The following PTPRD variants were observed in gnomAD, a reference collection of about 807,000 sequenced individuals.
The protein encoded by PTPRD is protein tyrosine phosphatase receptor type D.
PTPRD carries 34 observed loss-of-function variants against 214.5 expected under a neutral mutation model. The ratio of observed to expected loss-of-function variants is 0.16; its 90% CI spans 0.12 to 0.21. The LOEUF is 0.21. PTPRD is among the 10% of genes least tolerant of loss of function. The probability of loss-of-function intolerance (pLI) is 1.00; values close to 1 mark genes in which losing one functional copy is unlikely to be tolerated. For synonymous variants in PTPRD, 1,128 were observed against 845.7 expected (o/e 1.33, Z -5.79); for missense variants, 2,545 against 2,398.7 (o/e 1.06, Z -1.27).
chr9:10,066,576 A>T (rs2097889324), intron 3 of PTPRD, among the ~76,000 whole-genome samples: 1 of 151,854 alleles, frequency 6.6e-6, no homozygotes, highest in African/African-American at 2.4e-5. Flanking sequence ...GCATAAAATC[A>T]TGCCTCCATG....
intron 21 of PTPRD, among the ~76,000 whole-genome samples, chr9:8,515,359 A>G (rs1050036450): frequency 6.6e-6 from 1 of 152,182 alleles, no homozygotes; most frequent in Non-Finnish European, 1.5e-5. Flanking sequence ...ATTACATATT[A>G]ATAATTTAAT....
intron 8 of PTPRD, among the ~76,000 whole-genome samples, chr9:9,436,045 G>A (rs898828199): frequency 6.6e-6 from 1 of 151,928 alleles, no homozygotes; most frequent in Non-Finnish European, 1.5e-5. Flanking sequence ...CTTCTGCTCT[G>A]ACTTCCTGAT....
intron 3 of PTPRD, among the ~76,000 whole-genome samples, chr9:10,293,317 A>C (rs1359567588): frequency 6.6e-6 from 1 of 151,956 alleles, no homozygotes; most frequent in Non-Finnish European, 1.5e-5. Flanking sequence ...TTTTCCTTAG[A>C]CTAATATGCA....
intron 14 of PTPRD, among the ~76,000 whole-genome samples, chr9:8,529,452 G>C (rs1350653019): frequency 6.6e-6 from 1 of 152,052 alleles, no homozygotes; most frequent in African/African-American, 2.4e-5. Context: ...CTTATTAATG[G>C]CACAAAAACA....
rs545776697 is a variant in PTPRD, at chr9:10,547,685, C to T, written c.-600+64713G>A. ...ATCACATAACTGTAGACATAACAAA[C>T]ATATACATATATGTTATATATATAT... is the stretch of plus-strand genomic sequence containing the variant. On this transcript the variant is annotated intron_variant, in intron 2 of 45. Coordinates refer to ENST00000381196, the MANE Select transcript of PTPRD (RefSeq NM_002839.4). Among the ~76,000 whole-genome samples, 261 of 151,542 alleles carry T rather than the reference C, an allele frequency of 1.7e-3. 1 individual carries two copies. Among genetic ancestry groups the T allele is most frequent in the African/African-American group, 6.1e-3 (253 of 41,304 alleles).
intron 8 of PTPRD, among the ~76,000 whole-genome samples, chr9:9,466,195 T>G (rs939421114): frequency 6.6e-6 from 1 of 151,948 alleles, no homozygotes; most frequent in South Asian, 2.1e-4. Flanking sequence ...CATAGTCCCA[T>G]CTACTTAAGA....
intron 11 of PTPRD, among the ~76,000 whole-genome samples, chr9:8,975,041 G>A (rs1207531033): frequency 1.4e-5 from 2 of 145,998 alleles, no homozygotes; most frequent in Admixed American, 7.0e-5. Context: ...AGATTGCAGT[G>A]AGCCAAGTTC....
chr9:9,782,184 C>T (rs2098850870), intron 5 of PTPRD, among the ~76,000 whole-genome samples: 1 of 152,148 alleles, frequency 6.6e-6, no homozygotes, highest in African/African-American at 2.4e-5. Context: ...TAATATCCTA[C>T]AGTCATCTCA....
intron 12 of PTPRD, among the ~76,000 whole-genome samples, chr9:8,672,391 A>G (rs957306036): frequency 6.6e-6 from 1 of 152,100 alleles, no homozygotes; most frequent in Non-Finnish European, 1.5e-5. Context: ...GACACTACAC[A>G]TATCTACAAA....
intron 3 of PTPRD, among the ~76,000 whole-genome samples, chr9:10,053,902 G>C (rs1444760819): frequency 6.6e-6 from 1 of 151,988 alleles, no homozygotes; most frequent in African/African-American, 2.4e-5. Flanking sequence ...GGGATTACAG[G>C]TGTACGCCAA....
chr9:10,200,382 G>C (rs140574882), intron 3 of PTPRD, among the ~76,000 whole-genome samples: 479 of 152,186 alleles, frequency 3.1e-3, no homozygotes, highest in African/African-American at 0.011. Context: ...AACTATGGAG[G>C]AGAGAAGGAA....
At chr9:9,123,773 G>A (rs1195498586) in intron 10 of PTPRD, among the ~76,000 whole-genome samples, 1 of 152,078 alleles carries the variant, frequency 6.6e-6, no homozygotes, top group Non-Finnish European at 1.5e-5. Context: ...TTGTTGAAAG[G>A]TAGATTCCAA....
intron 9 of PTPRD, among the ~76,000 whole-genome samples, chr9:9,207,861 G>A (rs897796041): frequency 1.3e-5 from 2 of 151,524 alleles, no homozygotes; most frequent in Non-Finnish European, 2.9e-5. Flanking sequence ...ATATAATAGA[G>A]AACCATGACT....
chr9:8,515,919 G>A (rs1417555230), intron 21 of PTPRD, among the ~76,000 whole-genome samples: 1 of 152,078 alleles, frequency 6.6e-6, no homozygotes, highest in Non-Finnish European at 1.5e-5. Context: ...TTATAGACTA[G>A]AAAACTGAAG....
At chr9:9,513,114 A>T (rs898089458) in intron 8 of PTPRD, among the ~76,000 whole-genome samples, 4 of 151,920 alleles carry the variant, frequency 2.6e-5, no homozygotes, top group African/African-American at 9.7e-5. Flanking sequence ...CTAAAATAAC[A>T]AGATAGTATA....
At chr9:9,998,129 A>AATATATATATATATATATAT (rs1555449231) in intron 4 of PTPRD, among the ~76,000 whole-genome samples, 15 of 91,452 alleles carry the variant, frequency 1.6e-4, no homozygotes, top group African/African-American at 7.7e-4. Context: ...AAAAAAAAAA[A>AATATATATATATATATATAT]ATATATATAT....
intron 6 of PTPRD, among the ~76,000 whole-genome samples, chr9:9,738,539 G>A (rs1196184007): frequency 7.1e-6 from 1 of 140,716 alleles, no homozygotes; most frequent in East Asian, 2.0e-4. Context: ...TGCCTCCTGG[G>A]TTCAAGTGAT....
chr9:9,725,039 A>G (rs985422431), intron 7 of PTPRD, among the ~76,000 whole-genome samples: 8 of 152,268 alleles, frequency 5.3e-5, no homozygotes, highest in Middle Eastern at 3.4e-3. Context: ...GGAAGATTTC[A>G]GACTGCATAA....
At chr9:10,247,130 T>A (rs1051400894) in intron 3 of PTPRD, among the ~76,000 whole-genome samples, 1 of 152,066 alleles carries the variant, frequency 6.6e-6, no homozygotes, top group Non-Finnish European at 1.5e-5. Flanking sequence ...GACTACAAGG[T>A]GTTACACAAA....
Sources: allele counts gnomAD v4.1 joint callset (sites outside exome capture counted in the v4.1 genomes callset), GRCh38; gene constraint gnomAD v4.1.1; transcripts MANE v1.5; gene names NCBI Gene and HGNC (gene_info 2026-07-23, HGNC 2026-07-21).